HTR2C: variants seen among roughly 807,000 people sequenced by gnomAD.
HTR2C encodes the protein 5-hydroxytryptamine (serotonin) receptor 2C, G protein-coupled.
A neutral mutation model predicts 21.0 loss-of-function variants in HTR2C; 5 were observed. The observed-to-expected ratio is 0.24, with a 90% confidence interval of 0.12 to 0.50. The LOEUF is 0.50. Among genes scored for constraint, HTR2C ranks in the 20% least tolerant of loss-of-function variants. The pLI is 0.98. For synonymous variants in HTR2C, 150 were observed against 145.3 expected, an observed-to-expected ratio of 1.03 and a Z score of -0.23; for missense variants, 271 against 371.2, an observed-to-expected ratio of 0.73 and a Z score of 2.22.
Position 114,839,696 on chromosome X carries a change from AC to A in HTR2C, c.350-8306del, listed in dbSNP as rs1556464989. On this transcript the variant is annotated intron_variant, in intron 4 of 5. Transcript: ENST00000276198. The stretch of plus-strand genomic sequence containing the variant: ...AGCCAGATCCTGTCTCAAAAACAAA[AC>A]AAAACAAAACAAAACAAAACAAAAC... Among the ~76,000 whole-genome samples, 102 of 104,088 alleles carry A rather than the reference AC, an allele frequency of 9.8e-4. 1 individual carries two copies. The highest frequency in any genetic ancestry group is 4.0e-3 in the African/African-American group (100 of 24,706). 90.4% of individuals were successfully genotyped at this position (104,088 alleles called of 115,157 possible).
At chrX:114,749,101 A>G (rs1202482337) in intron 4 of HTR2C, among the ~76,000 whole-genome samples, 1 of 93,508 alleles carries the variant, frequency 1.1e-5, no homozygotes, top group Admixed American at 1.3e-4. Context: ...ATATGTAGCT[A>G]TCAAATAAAT....
At chrX:114,774,242 A>C (rs1181231150) in intron 4 of HTR2C, among the ~76,000 whole-genome samples, 1 of 111,521 alleles carries the variant, frequency 9.0e-6, no homozygotes, top group Non-Finnish European at 1.9e-5. Flanking sequence ...CTAATGATGG[A>C]ATGCATCAAA....
intron 5 of HTR2C, among the ~76,000 whole-genome samples, chrX:114,856,661 A>T (rs2070965062): frequency 9.0e-6 from 1 of 111,364 alleles, no homozygotes. Context: ...CTCTTCCTGT[A>T]CTTCTCATTT....
intron 2 of HTR2C, among the ~76,000 whole-genome samples, chrX:114,722,766 A>C (rs1442102175): frequency 9.3e-6 from 1 of 107,734 alleles, no homozygotes; most frequent in African/African-American, 3.4e-5. Flanking sequence ...GCATCTATTG[A>C]GATAATCATG....
intron 5 of HTR2C, among the ~76,000 whole-genome samples, chrX:114,904,123 G>A (rs1397059267): frequency 8.9e-6 from 1 of 111,971 alleles, no homozygotes; most frequent in Non-Finnish European, 1.9e-5. Context: ...TGGCCAATCA[G>A]TTTTGGAGAC....
In HTR2C at chrX:114,906,762, C is replaced by A; in HGVS notation, c.724C>A (p.Arg242Ser). The A allele has an allele frequency of 8.3e-7, 1 of 1,210,914 alleles. No homozygotes were observed. Reference sequence around the variant, plus strand: ...GTATTGCCTGACCATCTACGTTCTGCGCCGACAAGCTTTGATGTTACTGCA... The same window carrying A: ...GTATTGCCTGACCATCTACGTTCTGAGCCGACAAGCTTTGATGTTACTGCA... ...ITYCLTIYVL[R>S]RQALMLLHGH... Residue 242 changes from arginine to serine, a missense_variant, in exon 6 of 6, where the codon CGC becomes AGC. By Grantham distance (110) the Arg-to-Ser change is moderately radical. Transcript: ENST00000276198.
intron 2 of HTR2C, among the ~76,000 whole-genome samples, chrX:114,712,886 A>G (rs1556419337): frequency 8.9e-6 from 1 of 112,023 alleles, no homozygotes; most frequent in Non-Finnish European, 1.9e-5. Flanking sequence ...ATTTTTTGCT[A>G]TGGAAAAGAC....
At chrX:114,887,748 G>C (rs980221792) in intron 5 of HTR2C, among the ~76,000 whole-genome samples, 1 of 110,735 alleles carries the variant, frequency 9.0e-6, no homozygotes, top group African/African-American at 3.3e-5. Context: ...TTGGCCGGGC[G>C]CGGTGCCTCA....
At chrX:114,744,763 A>G (rs1263785120) in intron 4 of HTR2C, among the ~76,000 whole-genome samples, 1 of 111,968 alleles carries the variant, frequency 8.9e-6, no homozygotes, top group Non-Finnish European at 1.9e-5. Flanking sequence ...CCCAAAGCTC[A>G]TTCTTTTACA....
At chrX:114,799,748 A>G (rs2070328294) in intron 4 of HTR2C, among the ~76,000 whole-genome samples, 1 of 110,887 alleles carries the variant, frequency 9.0e-6, no homozygotes, top group South Asian at 3.7e-4. Context: ...AAAAGTGAAT[A>G]AGTCCACGTC....
intron 1 of HTR2C, among the ~76,000 whole-genome samples, chrX:114,609,540 C>G (rs1227205309): frequency 2.7e-5 from 3 of 111,279 alleles, no homozygotes; most frequent in Non-Finnish European, 5.7e-5. Context: ...GACTTCTGAC[C>G]ATTGTTCCAA....
At chrX:114,695,714 C>T (rs1053752530) in intron 2 of HTR2C, among the ~76,000 whole-genome samples, 1 of 111,651 alleles carries the variant, frequency 9.0e-6, no homozygotes, top group East Asian at 2.8e-4. Context: ...CAACACTGTG[C>T]AAATAGTAGC....
At chrX:114,754,234 A>T (rs1193101289) in intron 4 of HTR2C, among the ~76,000 whole-genome samples, 6 of 111,543 alleles carry the variant, frequency 5.4e-5, no homozygotes, top group Non-Finnish European at 1.1e-4. Flanking sequence ...AACACTTCTC[A>T]AATTTATTTA....
intron 1 of HTR2C, among the ~76,000 whole-genome samples, chrX:114,585,599 C>T (rs1339699489): frequency 2.7e-5 from 3 of 111,141 alleles, no homozygotes; most frequent in African/African-American, 9.8e-5. Flanking sequence ...TTTTCTGCGC[C>T]ATGCCCTTTG....
At chrX:114,842,558 G>A in intron 4 of HTR2C, among the ~76,000 whole-genome samples, 1 of 112,103 alleles carries the variant, frequency 8.9e-6, no homozygotes, top group Middle Eastern at 4.6e-3. Flanking sequence ...TATTTTTAAG[G>A]AACTCAAATA....
At chrX:114,806,322 T>C (rs994877016) in intron 4 of HTR2C, among the ~76,000 whole-genome samples, 2 of 97,071 alleles carry the variant, frequency 2.1e-5, no homozygotes, top group Non-Finnish European at 4.1e-5. Flanking sequence ...ACTACATATA[T>C]ACACCATATA....
chrX:114,851,827 T>C (rs927226853), intron 5 of HTR2C, among the ~76,000 whole-genome samples: 2 of 111,444 alleles, frequency 1.8e-5, no homozygotes, highest in East Asian at 5.6e-4. Context: ...GCAATGGTTT[T>C]ATAAAGCAGG....
intron 1 of HTR2C, among the ~76,000 whole-genome samples, chrX:114,587,177 C>G (rs1408774853): frequency 9.0e-6 from 1 of 111,634 alleles, no homozygotes; most frequent in African/African-American, 3.3e-5. Context: ...TAAATATCCT[C>G]AGCTATTCTT....
chrX:114,656,429 T>A (rs1556409261), intron 2 of HTR2C, among the ~76,000 whole-genome samples: 1 of 111,243 alleles, frequency 9.0e-6, no homozygotes, highest in African/African-American at 3.2e-5. Flanking sequence ...AATGAATGAA[T>A]ATATCAATTT....
Sources: allele counts gnomAD v4.1 joint callset (sites outside exome capture counted in the v4.1 genomes callset), GRCh38; gene constraint gnomAD v4.1.1; transcripts MANE v1.5; gene names NCBI Gene and HGNC (gene_info 2026-07-23, HGNC 2026-07-21).